The following UBAC2 variants were observed in gnomAD, a reference collection of about 807,000 sequenced individuals.
UBAC2 encodes the protein UBA domain containing 2, also known as ubiquitin-associated domain-containing protein 2.
In UBAC2, 26 loss-of-function variants were observed where a neutral mutation model predicts 44.0. The ratio of observed to expected loss-of-function variants is 0.59; its 90% confidence interval spans 0.43 to 0.82. The LOEUF (loss-of-function observed/expected upper bound fraction) is 0.82, where lower values mean the gene tolerates loss of function less well. UBAC2 is among the 40% of genes least tolerant of loss of function. The pLI, the probability that UBAC2 is intolerant of heterozygous loss-of-function variation, is 0.00. For synonymous variants in UBAC2, 155 were observed against 154.3 expected, an observed-to-expected ratio of 1.00 and a Z score of -0.04; for missense variants, 329 against 419.4, an observed-to-expected ratio of 0.78 and a Z score of 1.88.
intron 4 of UBAC2, among the ~76,000 whole-genome samples, chr13:99,268,611 C>CAAAAAAAAAAAAAAA (rs756827927): frequency 5.3e-5 from 4 of 75,734 alleles, no homozygotes; most frequent in African/African-American, 2.5e-4. Flanking sequence ...GACTCTGTCT[C>CAAAAAAAAAAAAAAA]AAAAAAAAAA....
chr13:99,255,545 A>G lies in UBAC2; in HGVS notation c.389+10921A>G, dbSNP rs775292571. 7 of 1,614,234 alleles carry G rather than the reference A, an allele frequency of 4.3e-6. No homozygotes were observed. In the East Asian group the frequency reaches 8.9e-5, roughly 21 times the overall value. On this transcript the variant is annotated intron_variant, in intron 4 of 8. Coordinates refer to ENST00000403766, the MANE Select transcript of UBAC2 (RefSeq NM_001144072.2). ...TCAGCACTAATAAAGGCAAGAAGCC[A>G]TAAAGCAATGCTTGGGTAAAACACT...
intron 6 of UBAC2, among the ~76,000 whole-genome samples, chr13:99,338,047 CTTTTTTTTTTTT>C (rs869112086): frequency 2.3e-4 from 11 of 48,850 alleles, no homozygotes; most frequent in African/African-American, 2.8e-4. Flanking sequence ...TTCTTTTTTT[CTTTTTTTTTTTT>C]TTTTTTTTTT....
intron 7 of UBAC2, among the ~76,000 whole-genome samples, chr13:99,348,376 T>G (rs1367126144): frequency 6.6e-6 from 1 of 152,154 alleles, no homozygotes; most frequent in Non-Finnish European, 1.5e-5. Context: ...GTGTGGCCAG[T>G]TCTCCCTAAG....
At chr13:99,260,159 T>C (rs1195051035) in intron 4 of UBAC2, among the ~76,000 whole-genome samples, 1 of 152,218 alleles carries the variant, frequency 6.6e-6, no homozygotes, top group Non-Finnish European at 1.5e-5. Context: ...AAGCTTTCTC[T>C]GCCATCCGAA....
intron 4 of UBAC2, among the ~76,000 whole-genome samples, chr13:99,311,572 T>TA (rs1174502213): frequency 6.6e-6 from 1 of 152,216 alleles, no homozygotes; most frequent in Non-Finnish European, 1.5e-5. Flanking sequence ...TTGTTAATTT[T>TA]AAAAAATCCA....
At chr13:99,242,761 G>A (rs1447493365) in intron 2 of UBAC2, among the ~76,000 whole-genome samples, 1 of 149,880 alleles carries the variant, frequency 6.7e-6, no homozygotes, top group Non-Finnish European at 1.5e-5. Flanking sequence ...GGACGGGGTG[G>A]CTGCCGGGCG....
At chr13:99,247,195 G>T (rs1389531961) in intron 4 of UBAC2, among the ~76,000 whole-genome samples, 2 of 95,320 alleles carry the variant, frequency 2.1e-5, no homozygotes, top group Non-Finnish European at 6.0e-5. Context: ...GAAAACTACT[G>T]TTTTTTTTTT....
chr13:99,324,383 C>T (rs550894165), intron 6 of UBAC2, among the ~76,000 whole-genome samples: 1 of 151,966 alleles, frequency 6.6e-6, no homozygotes, highest in African/African-American at 2.4e-5. Flanking sequence ...CTGCCTGGTT[C>T]CACCATTGCT....
chr13:99,262,830 G>T (rs187284986), intron 4 of UBAC2, among the ~76,000 whole-genome samples: 1 of 150,216 alleles, frequency 6.7e-6, no homozygotes, highest in Admixed American at 6.6e-5. Flanking sequence ...GAGGATTTTA[G>T]TACACAGCCA....
chr13:99,307,147 C>T (rs1426057519), intron 4 of UBAC2, among the ~76,000 whole-genome samples: 1 of 152,128 alleles, frequency 6.6e-6, no homozygotes. Context: ...TTTCAGTCAA[C>T]TTTATAAGAA....
At chr13:99,221,043 A>G (rs1435587723) in intron 1 of UBAC2, among the ~76,000 whole-genome samples, 1 of 152,174 alleles carries the variant, frequency 6.6e-6, no homozygotes, top group Non-Finnish European at 1.5e-5. Flanking sequence ...CCAAGGTACA[A>G]AATATTTTTC....
At chr13:99,379,621 A>G (rs1360479624) in intron 8 of UBAC2, among the ~76,000 whole-genome samples, 1 of 152,180 alleles carries the variant, frequency 6.6e-6, no homozygotes, top group Admixed American at 6.5e-5. Flanking sequence ...CAGGATCTTC[A>G]TTTTTAGCTT....
intron 7 of UBAC2, among the ~76,000 whole-genome samples, chr13:99,350,828 C>T (rs137922433): frequency 6.6e-6 from 1 of 152,292 alleles, no homozygotes; most frequent in African/African-American, 2.4e-5. Flanking sequence ...TGGGAGTGGG[C>T]CCTTAACCTG....
chr13:99,264,860 CA>C (rs144912146), intron 4 of UBAC2, among the ~76,000 whole-genome samples: 2,004 of 152,208 alleles, frequency 0.013, 23 homozygotes, highest in Non-Finnish European at 0.023. Flanking sequence ...GTCCTCATCC[CA>C]GGGAGGAAAA....
At chr13:99,230,400 CAG>C (rs1417564333) in intron 1 of UBAC2, among the ~76,000 whole-genome samples, 1 of 151,952 alleles carries the variant, frequency 6.6e-6, no homozygotes, top group East Asian at 1.9e-4. Flanking sequence ...TGGGAGGCGT[CAG>C]AGGTTGCAGT....
chr13:99,367,709 T>C, intron 7 of UBAC2, 78 bp from the exon 8 acceptor site: 2 of 1,586,858 alleles, frequency 1.3e-6, no homozygotes, highest in Non-Finnish European at 1.7e-6. Context: ...TGTAACTGCA[T>C]TGAGAGAAAG....
chr13:99,249,473 G>T (rs908038964), intron 4 of UBAC2, among the ~76,000 whole-genome samples: 4 of 152,118 alleles, frequency 2.6e-5, no homozygotes, highest in African/African-American at 9.7e-5. Flanking sequence ...CCATGTCTTT[G>T]CTATTGTGAA....
At chr13:99,280,403 C>T (rs1373577189) in intron 4 of UBAC2, among the ~76,000 whole-genome samples, 1 of 152,198 alleles carries the variant, frequency 6.6e-6, no homozygotes, top group Non-Finnish European at 1.5e-5. Context: ...CCCTTCTCCC[C>T]TTTGCTTGAC....
At chr13:99,339,238 C>T (rs182370826) in intron 6 of UBAC2, among the ~76,000 whole-genome samples, 66 of 152,360 alleles carry the variant, frequency 4.3e-4, no homozygotes, top group South Asian at 1.7e-3. Flanking sequence ...CATCAAGTCA[C>T]GGGCACCGCA....
Sources: gnomAD v4.1 joint callset for allele counts (sites outside exome capture counted in the v4.1 genomes callset) on GRCh38, gnomAD v4.1.1 for gene constraint, MANE v1.5 for transcripts, NCBI Gene and HGNC (gene_info 2026-07-23, HGNC 2026-07-21) for gene names.